The following SDK1 variants were observed in gnomAD, a reference collection of about 807,000 sequenced individuals.
SDK1 encodes sidekick cell adhesion molecule 1.
In SDK1, 157 loss-of-function variants were observed where a neutral mutation model predicts 245.5. That is an observed-to-expected ratio of 0.64 (90% CI 0.56 to 0.73). The LOEUF is 0.73. SDK1 is among the 30% of genes least tolerant of loss of function. The pLI, the probability that SDK1 is intolerant of heterozygous loss-of-function variation, is 0.00. For missense variants in SDK1, 3,583 were observed against 3,002.3 expected (o/e 1.19, Z -4.52); for synonymous variants, 1,647 against 1,278.5 (o/e 1.29, Z -6.15).
rs555264967 is a variant in SDK1 at position 3,776,937 on chromosome 7, C to A, written c.714-44513C>A. Among the ~76,000 whole-genome samples, 90 of 152,196 alleles carry A rather than the reference C, an allele frequency of 5.9e-4. No homozygotes were observed. In the Middle Eastern group the frequency reaches 0.014, roughly 23 times the overall value. ...CTGTATCATAGAGCACGGTGTATAC[C>A]CACACGGACTGTGATCCAGGAAGAA... On this transcript the variant is annotated intron_variant, in intron 4 of 44. Coordinates refer to ENST00000404826, the MANE Select transcript of SDK1 (RefSeq NM_152744.4).
rs979735691 is a variant in SDK1 at position 3,418,957 on chromosome 7, C to G, written c.298+117073C>G. On this transcript the variant is annotated intron_variant, in intron 1 of 44. Coordinates refer to ENST00000404826, the MANE Select transcript of SDK1 (RefSeq NM_152744.4). The stretch of plus-strand genomic sequence containing the variant: ...AGGCAGTGAGGTAGCTTTCTGTTAG[C>G]TCTTGTAGGGACCATGTTCTTGTGG... Among the ~76,000 whole-genome samples, 5 of 152,260 alleles carry G rather than the reference C, an allele frequency of 3.3e-5. No homozygotes were observed. The South Asian group carries it at 8.3e-4, about 25-fold the overall frequency.
At chr7:3,595,787 C>T (rs918748143) in intron 1 of SDK1, among the ~76,000 whole-genome samples, 1 of 136,988 alleles carries the variant, frequency 7.3e-6, no homozygotes, top group African/African-American at 2.8e-5. Context: ...CAGATAGTGC[C>T]ACTGCACTCC....
chr7:4,162,040 T>G (rs1270223907), intron 32 of SDK1, among the ~76,000 whole-genome samples, 184 bp downstream of exon 32: 1 of 152,026 alleles, frequency 6.6e-6, no homozygotes, highest in Non-Finnish European at 1.5e-5. Flanking sequence ...ATCATCTCGG[T>G]GTAATTTCCA....
At chr7:3,752,599 G>T (rs912538551) in intron 4 of SDK1, among the ~76,000 whole-genome samples, 1 of 152,020 alleles carries the variant, frequency 6.6e-6, no homozygotes, top group Non-Finnish European at 1.5e-5. Context: ...TTTTTTTTGA[G>T]AGTTTGATTT....
intron 2 of SDK1, among the ~76,000 whole-genome samples, chr7:3,626,899 CAATCAT>C (rs1398750845): frequency 6.6e-6 from 1 of 151,794 alleles, no homozygotes; most frequent in East Asian, 1.9e-4. Context: ...GAATAGGGGC[CAATCAT>C]ATCTTGACCT....
chr7:3,462,558 A>G (rs543360682), intron 1 of SDK1, among the ~76,000 whole-genome samples: 2 of 152,310 alleles, frequency 1.3e-5, no homozygotes, highest in African/African-American at 2.4e-5. Flanking sequence ...TGTTAACTTG[A>G]TATTTCTACT....
intron 9 of SDK1, among the ~76,000 whole-genome samples, chr7:3,965,188 T>C (rs1275848762): frequency 6.6e-6 from 1 of 152,148 alleles, no homozygotes; most frequent in East Asian, 1.9e-4. Flanking sequence ...AAAACTTTAT[T>C]TACAAACACA....
chr7:4,188,537 A>G (rs117910685), intron 35 of SDK1, among the ~76,000 whole-genome samples: 2,178 of 152,104 alleles, frequency 0.014, 26 homozygotes, highest in Admixed American at 0.024. Flanking sequence ...TTTGTCTTTA[A>G]TTTTATTGTG....
intron 1 of SDK1, among the ~76,000 whole-genome samples, chr7:3,503,082 A>G (rs185604301): frequency 6.6e-6 from 1 of 152,168 alleles, no homozygotes; most frequent in Non-Finnish European, 1.5e-5. Flanking sequence ...ATTACTTTTA[A>G]TTAAAATTGT....
chr7:3,452,193 G>A (rs2128591953), intron 1 of SDK1, among the ~76,000 whole-genome samples: 1 of 152,204 alleles, frequency 6.6e-6, no homozygotes, highest in East Asian at 1.9e-4. Flanking sequence ...CTTTCTTTAG[G>A]ACAGGTAGAA....
At chr7:4,261,077 T>C (rs1208917808) in intron 44 of SDK1, among the ~76,000 whole-genome samples, 6 of 152,148 alleles carry the variant, frequency 3.9e-5, no homozygotes, top group Admixed American at 2.0e-4. Context: ...TTGAGGTAGA[T>C]TTTCAGCCTG....
chr7:3,585,524 G>C (rs1780657952), intron 1 of SDK1, among the ~76,000 whole-genome samples: 1 of 152,212 alleles, frequency 6.6e-6, no homozygotes, highest in African/African-American at 2.4e-5. Context: ...GTAGCTGGAG[G>C]AGTGGAGTGC....
At chr7:3,507,610 AG>A (rs1782433087) in intron 1 of SDK1, among the ~76,000 whole-genome samples, 1 of 152,172 alleles carries the variant, frequency 6.6e-6, no homozygotes. Context: ...CCATTAATGC[AG>A]AAATGTTTCC....
intron 1 of SDK1, among the ~76,000 whole-genome samples, chr7:3,508,326 CTTT>C (rs746963363): frequency 5.1e-5 from 7 of 136,200 alleles, no homozygotes; most frequent in African/African-American, 5.6e-5. Context: ...TCTTCTTCTT[CTTT>C]TTTTTTTTTT....
intron 4 of SDK1, among the ~76,000 whole-genome samples, chr7:3,803,750 T>G (rs926649967): frequency 6.8e-6 from 1 of 146,520 alleles, no homozygotes; most frequent in African/African-American, 2.5e-5. Flanking sequence ...TTCCTCTTTT[T>G]TTTTTTTTTT....
At position 4,016,553 on chromosome 7, in the gene SDK1, A is replaced by G. The variant is rs1478712484; in HGVS notation, c.2421-618A>G. Among the ~76,000 whole-genome samples, 10 of 152,344 alleles carry G rather than the reference A, an allele frequency of 6.6e-5. No homozygotes were observed. In the East Asian group the frequency reaches 1.9e-3, roughly 29 times the overall value. ...TGTGTACATTATCTTTTTCATAAAC[A>G]CTACTTTAAATTTCCACCTTTAGTA... On this transcript the variant is annotated intron_variant, in intron 16 of 44. Coordinates refer to ENST00000404826, the MANE Select transcript of SDK1 (RefSeq NM_152744.4).
At chr7:3,371,840 A>G (rs1197736507) in intron 1 of SDK1, among the ~76,000 whole-genome samples, 1 of 152,222 alleles carries the variant, frequency 6.6e-6, no homozygotes, top group African/African-American at 2.4e-5. Flanking sequence ...AGTAAATAGC[A>G]TAAGAAACCC....
At chr7:3,534,933 C>A (rs1197609539) in intron 1 of SDK1, among the ~76,000 whole-genome samples, 1 of 152,182 alleles carries the variant, frequency 6.6e-6, no homozygotes, top group Non-Finnish European at 1.5e-5. Flanking sequence ...AGTCAGTGGA[C>A]AGCTCATTTG....
intron 22 of SDK1, among the ~76,000 whole-genome samples, chr7:4,081,586 A>G (rs964123194): frequency 2.6e-5 from 4 of 151,628 alleles, no homozygotes; most frequent in African/African-American, 7.3e-5. Flanking sequence ...CACCCAGCCA[A>G]TTTTTTGTAT....
Sources: gnomAD v4.1 joint callset for allele counts (sites outside exome capture counted in the v4.1 genomes callset) on GRCh38, gnomAD v4.1.1 for gene constraint, MANE v1.5 for transcripts, NCBI Gene and HGNC (gene_info 2026-07-23, HGNC 2026-07-21) for gene names.